RIC8B: variants seen among roughly 807,000 people sequenced by gnomAD.
RIC8B encodes the protein RIC8 guanine nucleotide exchange factor B, also known as chaperone Ric-8B.
Under a neutral mutation model 57.5 loss-of-function variants are expected in RIC8B, and 16 were observed. That is an observed-to-expected ratio of 0.28 (90% CI 0.19 to 0.42). The LOEUF is 0.42. Ranked by LOEUF, RIC8B falls within the 10% of genes least tolerant of loss-of-function variation. RIC8B has a pLI of 1.00. For missense variants in RIC8B, 481 were observed against 677.0 expected (o/e 0.71, Z 3.21); for synonymous variants, 216 against 250.8 (o/e 0.86, Z 1.31).
chr12:106,860,946 T>C (rs1055670141), intron 8 of RIC8B, among the ~76,000 whole-genome samples: 13 of 151,974 alleles, frequency 8.6e-5, no homozygotes, highest in African/African-American at 2.9e-4. Flanking sequence ...TTTTAACAGA[T>C]ACATTAGTGC....
At chr12:106,865,666 G>A (rs1950110599) in intron 8 of RIC8B, among the ~76,000 whole-genome samples, 1 of 152,054 alleles carries the variant, frequency 6.6e-6, no homozygotes, top group Non-Finnish European at 1.5e-5. Flanking sequence ...CTCTCTCCAG[G>A]ATCATTCTCA....
intron 6 of RIC8B, among the ~76,000 whole-genome samples, chr12:106,850,145 T>C (rs1382068456): frequency 6.6e-6 from 1 of 152,192 alleles, no homozygotes; most frequent in Non-Finnish European, 1.5e-5. Context: ...CTTATGAGAA[T>C]CTAATGCCTG....
At position 106,879,868 on chromosome 12, in the gene RIC8B, C is replaced by A. The variant is rs1041150608; in HGVS notation, c.1572-6036C>A. Reference sequence around the variant, plus strand: ...ACTGTCACAGTGCCTAGAATGGGCTCTTTATCCAGTAGACACCACTGTACT... The same window carrying A: ...ACTGTCACAGTGCCTAGAATGGGCTATTTATCCAGTAGACACCACTGTACT... On this transcript the variant is annotated intron_variant, in intron 9 of 9. Transcript: ENST00000392837. This position sits in a 1 kb window ranked among gnomAD's most constrained non-coding sequence, Gnocchi z 4.9. 2.0e-6 allele frequency: 2 copies of A among 985,298 alleles called. No individual in the cohort carries two copies. Among genetic ancestry groups the A allele is most frequent in the African/African-American group, 3.5e-5 (2 of 57,240 alleles). The allele number at this position is 985,298 out of a possible 1,614,324, so 61.0% of individuals were successfully genotyped here.
Position 106,886,043 on chromosome 12 carries a change from T to C in RIC8B, c.*28T>C. On this transcript the variant is annotated 3_prime_UTR_variant, in exon 10 of 10. Transcript: ENST00000392837. ...GCATCACCTGCTCAACTCTCAATAT[T>C]GCTTTATCAGCATCTTTTCTCTGTA... 6.9e-7 allele frequency: 1 copy of C among 1,442,460 alleles called. No homozygotes were observed. The highest frequency in any genetic ancestry group is 9.8e-7 in the Non-Finnish European group (1 of 1,025,166). 89.4% of individuals were successfully genotyped at this position (1,442,460 alleles called of 1,614,324 possible).
At chr12:106,874,679 T>C in intron 9 of RIC8B, 1 of 799,700 alleles carries the variant, frequency 1.3e-6, no homozygotes, top group Non-Finnish European at 2.0e-6. Flanking sequence ...CTATTTTGCC[T>C]CCATGCTGGA....
chr12:106,824,075 A>T (rs926173652), intron 3 of RIC8B, among the ~76,000 whole-genome samples: 42 of 152,200 alleles, frequency 2.8e-4, no homozygotes, highest in African/African-American at 1.0e-3. Context: ...TGTCTCTGTC[A>T]TTCCAGTAGT....
At chr12:106,814,642 G>A in intron 2 of RIC8B, 54 bp from the exon 3 acceptor site, 1 of 1,522,170 alleles carries the variant, frequency 6.6e-7, no homozygotes, top group East Asian at 2.3e-5. Flanking sequence ...AACATTCTGT[G>A]TTAAGTCATT....
chr12:106,809,382 G>A (rs946354077), intron 2 of RIC8B, among the ~76,000 whole-genome samples: 1 of 152,046 alleles, frequency 6.6e-6, no homozygotes, highest in Non-Finnish European at 1.5e-5. Flanking sequence ...AAATTAGCAG[G>A]CGTGGTGGTG....
chr12:106,839,984 C>G (rs1317569240), intron 4 of RIC8B, among the ~76,000 whole-genome samples: 1 of 152,158 alleles, frequency 6.6e-6, no homozygotes, highest in Admixed American at 6.5e-5. Flanking sequence ...TGCCACTGCA[C>G]TCTGGCCTGG....
chr12:106,808,991 G>A (rs2045197541), intron 2 of RIC8B, among the ~76,000 whole-genome samples: 1 of 152,068 alleles, frequency 6.6e-6, no homozygotes, highest in East Asian at 1.9e-4. Context: ...TGAAAAAAAA[G>A]CCTACTATTC....
chr12:106,815,890 G>A (rs1157814516), intron 3 of RIC8B, among the ~76,000 whole-genome samples: 6 of 152,220 alleles, frequency 3.9e-5, no homozygotes, highest in African/African-American at 1.2e-4. Context: ...TTATACCAGA[G>A]TGTGGGAAAG....
At chr12:106,807,800 G>A (rs1480285021) in intron 2 of RIC8B, among the ~76,000 whole-genome samples, 2 of 152,048 alleles carry the variant, frequency 1.3e-5, no homozygotes, top group African/African-American at 4.8e-5. Context: ...AAATATTTAG[G>A]GGAGGCTGGG....
chr12:106,882,366 C>T lies in RIC8B; in HGVS notation c.1572-3538C>T, dbSNP rs141920035. ...TTCTTACAGCTAGTGACTGGTCGAT[C>T]CAGAATTAGAGCACAGGTCCGTCTG... is the stretch of plus-strand genomic sequence containing the variant. On this transcript the variant is annotated intron_variant, in intron 9 of 9. Coordinates refer to ENST00000392837, the MANE Select transcript of RIC8B (RefSeq NM_001330145.2). Among the ~76,000 whole-genome samples, 653 of 152,232 alleles carry T rather than the reference C, an allele frequency of 4.3e-3. 2 individuals are homozygous for T. Among genetic ancestry groups the T allele is most frequent in the African/African-American group, 0.014 (598 of 41,536 alleles).
Position 106,864,468 on chromosome 12 carries a change from CACA to C in RIC8B, c.1451+4061_1451+4063del, listed in dbSNP as rs552020991. On this transcript the variant is annotated intron_variant, in intron 8 of 9. Transcript: ENST00000392837. Reference sequence around the variant, plus strand: ...AACTAGACAAATATTATATAATCTTCACAACAATCCTTTGAGGTATAATTAATC... The same window carrying C: ...AACTAGACAAATATTATATAATCTTCACAATCCTTTGAGGTATAATTAATC... Among the ~76,000 whole-genome samples, 108 of 152,192 alleles carry C rather than the reference CACA, an allele frequency of 7.1e-4. 2 individuals carry two copies. In the East Asian group the frequency reaches 0.02, roughly 29 times the overall value.
intron 4 of RIC8B, among the ~76,000 whole-genome samples, chr12:106,835,229 C>A (rs2046543230): frequency 6.6e-6 from 1 of 152,064 alleles, no homozygotes; most frequent in Non-Finnish European, 1.5e-5. Context: ...ACATACAAGA[C>A]TTTTTATAAT....
chr12:106,868,216 A>C, intron 8 of RIC8B: 8 of 448,502 alleles, frequency 1.8e-5, no homozygotes, highest in South Asian at 1.3e-4. Flanking sequence ...TCCTGATTTC[A>C]TTTTTTTCCC....
chr12:106,845,435 G>A (rs1949142631), intron 6 of RIC8B, among the ~76,000 whole-genome samples: 1 of 151,872 alleles, frequency 6.6e-6, no homozygotes, highest in Non-Finnish European at 1.5e-5. Flanking sequence ...TTCCACCATT[G>A]CATCTGCTAT....
chr12:106,794,602 GT>G (rs2044396793), intron 2 of RIC8B, among the ~76,000 whole-genome samples: 1 of 152,120 alleles, frequency 6.6e-6, no homozygotes, highest in South Asian at 2.1e-4. Context: ...TATCAGAAAT[GT>G]AAGTCAGTGG....
intron 8 of RIC8B, among the ~76,000 whole-genome samples, chr12:106,870,620 A>C (rs2136591229): frequency 6.6e-6 from 1 of 152,284 alleles, no homozygotes; most frequent in Admixed American, 6.5e-5. Flanking sequence ...TTTTAAAAAA[A>C]GTATAGCCCA....
Sources: gnomAD v4.1 joint callset for allele counts (sites outside exome capture counted in the v4.1 genomes callset) on GRCh38, gnomAD v4.1.1 for gene constraint, Gnocchi (gnomAD v3.1) non-coding constraint, MANE v1.5 for transcripts, NCBI Gene and HGNC (gene_info 2026-07-23, HGNC 2026-07-21) for gene names.